The following FLACC1 variants were observed in gnomAD, a reference collection of about 807,000 sequenced individuals.
FLACC1 encodes the protein flagellum associated containing coiled-coil domains 1.
Under a neutral mutation model 62.8 loss-of-function variants are expected in FLACC1, and 66 were observed. The ratio of observed to expected loss-of-function variants is 1.05; its 90% CI spans 0.86 to 1.29. FLACC1 has a LOEUF of 1.29. Ranked by LOEUF, FLACC1 falls within the 50% of genes most tolerant of loss-of-function variation. The pLI is 0.00. For missense variants in FLACC1, 452 were observed against 489.1 expected, an observed-to-expected ratio of 0.92 and a Z score of 0.71; for synonymous variants, 156 against 161.0, an observed-to-expected ratio of 0.97 and a Z score of 0.24.
chr2:201,292,368 T>A (rs1377007533), intron 12 of FLACC1, among the ~76,000 whole-genome samples: 5 of 152,224 alleles, frequency 3.3e-5, no homozygotes, highest in Admixed American at 1.3e-4. Context: ...TGAGGGCCAA[T>A]ATTCAACATT....
In FLACC1 at chr2:201,346,751, T is replaced by G; in HGVS notation, c.235-76A>C. The G allele has an allele frequency of 6.3e-7, 1 of 1,578,842 alleles. No individual in the cohort carries two copies. The highest frequency in any genetic ancestry group is 8.6e-7 in the Non-Finnish European group (1 of 1,158,164). Reference sequence around the variant, plus strand: ...TTTTTCCAAATCTTCTCTTATTGCCTCACTCACATCTTAAAAACAGGGACC... The same window carrying G: ...TTTTTCCAAATCTTCTCTTATTGCCGCACTCACATCTTAAAAACAGGGACC... On this transcript the variant is annotated intron_variant, in intron 4 of 14. Transcript: ENST00000392257. The surrounding 1 kb of genome is among the most constrained non-coding windows in gnomAD (Gnocchi z 4.0).
intron 9 of FLACC1, among the ~76,000 whole-genome samples, chr2:201,310,642 G>A (rs555435289): frequency 5.3e-5 from 8 of 152,226 alleles, no homozygotes; most frequent in East Asian, 1.9e-4. Flanking sequence ...CTGAGATGAC[G>A]GGAGCACTCC....
chr2:201,307,962 C>G (rs1950140081), intron 10 of FLACC1, among the ~76,000 whole-genome samples: 1 of 152,070 alleles, frequency 6.6e-6, no homozygotes, highest in South Asian at 2.1e-4. Flanking sequence ...AAATAAAGCT[C>G]TTGGCTAACA....
chr2:201,334,832 C>T (rs1576460044), intron 7 of FLACC1, among the ~76,000 whole-genome samples: 1 of 151,418 alleles, frequency 6.6e-6, no homozygotes, highest in Non-Finnish European at 1.5e-5. Context: ...GTCCTTCCAC[C>T]TCTTCACTTT....
chr2:201,288,845 T>C, intron 14 of FLACC1, 64 bp from the exon 15 acceptor site: 2 of 1,573,970 alleles, frequency 1.3e-6, no homozygotes, highest in Non-Finnish European at 1.7e-6. Context: ...ATAGGATATT[T>C]GGAGTGCAGG....
intron 7 of FLACC1, among the ~76,000 whole-genome samples, chr2:201,333,651 A>G (rs1950637652): frequency 6.8e-6 from 1 of 147,298 alleles, no homozygotes; most frequent in African/African-American, 2.5e-5. Context: ...GAGAACATGC[A>G]GTGTTTGGTT....
At chr2:201,345,450 TTG>T (rs56229607) in intron 5 of FLACC1, among the ~76,000 whole-genome samples, 13,698 of 143,516 alleles carry the variant, frequency 0.095, 567 homozygotes, top group Non-Finnish European at 0.11. Flanking sequence ...AGGTAGATGA[TTG>T]TGTGTGTGTG....
intron 9 of FLACC1, among the ~76,000 whole-genome samples, chr2:201,319,580 C>CA (rs1464405048): frequency 6.6e-6 from 1 of 151,986 alleles, no homozygotes; most frequent in Admixed American, 6.6e-5. Flanking sequence ...AGGCAACCTA[C>CA]AAAAAAAGAG....
chr2:201,349,737 C>T (rs1402988399), intron 3 of FLACC1, among the ~76,000 whole-genome samples: 1 of 152,192 alleles, frequency 6.6e-6, no homozygotes, highest in African/African-American at 2.4e-5. Flanking sequence ...ATCTTAGACA[C>T]AGGACAGTAA....
Position 201,309,397 on chromosome 2 carries a change from C to T in FLACC1, c.676-147G>A, listed in dbSNP as rs1407105102. ...CCATGTTCTGTGCATCTTCCCTTAC[C>T]TGGGGCCCTCACTGAGTGGGTCCTC... On this transcript the variant is annotated intron_variant, in intron 9 of 14. Coordinates refer to ENST00000392257, the MANE Select transcript of FLACC1 (RefSeq NM_001127391.3). 3 of 647,386 alleles carry T rather than the reference C, an allele frequency of 4.6e-6. No homozygotes were observed. In the African/African-American group the frequency reaches 5.4e-5, roughly 12 times the overall value. The allele number at this position is 647,386 out of a possible 1,614,324, so 40.1% of individuals were successfully genotyped here. A position where few individuals can be genotyped will look rare whatever the true frequency, so the allele number is the denominator to read the frequency against.
rs1949637469 is a variant in FLACC1 at position 201,288,391 on chromosome 2, A to T, written c.*264T>A. 3.1e-6 allele frequency: 1 copy of T among 318,084 alleles called. No individual in the cohort carries two copies. The highest frequency in any genetic ancestry group is 5.7e-6 in the Non-Finnish European group (1 of 175,012). 19.7% of individuals were successfully genotyped at this position (318,084 alleles called of 1,614,324 possible). ...TTCAAATCAGTTTCTTTCTAACGAA[A>T]TACGTCAAGGTAGAAGAAAAATAGT... On this transcript the variant is annotated 3_prime_UTR_variant, in exon 15 of 15. Transcript: ENST00000392257.
upstream of FLACC1, among the ~76,000 whole-genome samples, chr2:201,360,187 C>T (rs1951174071): frequency 6.6e-6 from 1 of 152,230 alleles, no homozygotes; most frequent in African/African-American, 2.4e-5. Flanking sequence ...AAGTGCTCTT[C>T]TCTTGGATGA....
chr2:201,341,888 A>G (rs1332137105), intron 7 of FLACC1, among the ~76,000 whole-genome samples: 1 of 151,778 alleles, frequency 6.6e-6, no homozygotes, highest in African/African-American at 2.4e-5. Flanking sequence ...ACTCCTTTCA[A>G]TTTTCTCTTG....
intron 9 of FLACC1, among the ~76,000 whole-genome samples, chr2:201,317,797 C>CA (rs1450138182): frequency 2.0e-5 from 3 of 151,796 alleles, no homozygotes; most frequent in Admixed American, 1.3e-4. Flanking sequence ...AATCAAAAAG[C>CA]AAAAAACCTA....
chr2:201,329,304 G>A (rs889089848), intron 9 of FLACC1, among the ~76,000 whole-genome samples: 8 of 152,184 alleles, frequency 5.3e-5, no homozygotes, highest in African/African-American at 1.9e-4. Context: ...ACAGATGCTG[G>A]TGAGGTTGGA....
chr2:201,322,384 T>C (rs1310518562), intron 9 of FLACC1, among the ~76,000 whole-genome samples: 1 of 152,018 alleles, frequency 6.6e-6, no homozygotes, highest in Non-Finnish European at 1.5e-5. Context: ...GAGACAGTGA[T>C]CTTGCTAATA....
intron 7 of FLACC1, among the ~76,000 whole-genome samples, chr2:201,340,175 TA>T (rs1044327083): frequency 3.3e-5 from 5 of 152,222 alleles, no homozygotes; most frequent in African/African-American, 1.2e-4. Context: ...TTCTTGTTTT[TA>T]AAAAATCCAT....
rs999827841 is a variant in FLACC1 at position 201,346,747 on chromosome 2, T to G, written c.235-72A>C. 1.3e-5 allele frequency: 21 copies of G among 1,589,126 alleles called. No individual in the cohort carries two copies. The African/African-American group carries it at 2.6e-4, about 19-fold the overall frequency. The stretch of plus-strand genomic sequence containing the variant: ...GAGATTTTTCCAAATCTTCTCTTAT[T>G]GCCTCACTCACATCTTAAAAACAGG... On this transcript the variant is annotated intron_variant, in intron 4 of 14. Transcript: ENST00000392257. The surrounding 1 kb of genome is among the most constrained non-coding windows in gnomAD (Gnocchi z 4.0).
Position 201,347,863 on chromosome 2 carries a change from C to T in FLACC1, c.234+391G>A, listed in dbSNP as rs183488047. 1.8e-4 allele frequency among the ~76,000 whole-genome samples: 28 copies of T among 152,326 alleles called. No homozygotes were observed. In the East Asian group the frequency reaches 5.2e-3, roughly 28 times the overall value. On this transcript the variant is annotated intron_variant, in intron 4 of 14. Transcript: ENST00000392257. ...TTCTCATCACCTTCTCCAGTGCCCT[C>T]CCGCCCCTGCTCCCCTGAGGGGTCC...
Sources: allele counts gnomAD v4.1 joint callset (sites outside exome capture counted in the v4.1 genomes callset), GRCh38; gene constraint gnomAD v4.1.1; non-coding constraint Gnocchi (gnomAD v3.1); transcripts MANE v1.5; gene names NCBI Gene and HGNC (gene_info 2026-07-23, HGNC 2026-07-21).